ZFAT: variants seen among roughly 807,000 people sequenced by gnomAD.
ZFAT encodes zinc finger and AT-hook domain containing, also known as zinc finger protein ZFAT.
In ZFAT, 64 loss-of-function variants were observed where a neutral mutation model predicts 117.7. That is an observed-to-expected ratio of 0.54 (90% CI 0.44 to 0.67). The LOEUF (loss-of-function observed/expected upper bound fraction) is 0.67, where lower values mean the gene tolerates loss of function less well. ZFAT is among the 30% of genes least tolerant of loss of function. The pLI is 0.00. For synonymous variants in ZFAT, 679 were observed against 615.0 expected (o/e 1.10, Z -1.54); for missense variants, 1,433 against 1,584.5 (o/e 0.90, Z 1.62).
intron 11 of ZFAT, among the ~76,000 whole-genome samples, chr8:134,547,590 C>A (rs1042856573): frequency 6.6e-6 from 1 of 152,220 alleles, no homozygotes; most frequent in Non-Finnish European, 1.5e-5. Context: ...ACTGCATTTG[C>A]ATAGATTTCC....
the ZFAT span, among the ~76,000 whole-genome samples, chr8:134,790,571 T>C: frequency 2.6e-5 from 4 of 152,228 alleles, no homozygotes; most frequent in African/African-American, 4.8e-5. Flanking sequence ...AAGAGTTGTA[T>C]ACTACACATT....
chr8:134,717,323 C>A (rs1814222124), upstream of ZFAT, among the ~76,000 whole-genome samples: 1 of 150,990 alleles, frequency 6.6e-6, no homozygotes, highest in African/African-American at 2.4e-5. Context: ...CAAGAACCCA[C>A]CAGTCCAGGC....
chr8:134,763,528 G>C, the ZFAT span, among the ~76,000 whole-genome samples: 2 of 151,974 alleles, frequency 1.3e-5, no homozygotes, highest in Non-Finnish European at 2.9e-5. Flanking sequence ...TCCTTACCGT[G>C]CCTTATTTTT....
chr8:134,623,207 T>G (rs1368958968), intron 3 of ZFAT, among the ~76,000 whole-genome samples: 7 of 152,148 alleles, frequency 4.6e-5, no homozygotes, highest in Admixed American at 2.0e-4. Context: ...AATGGAGTCT[T>G]CACCCCAGCT....
At chr8:134,713,158 G>T (rs1814093761), upstream of ZFAT, 2 of 321,914 alleles carry the variant, frequency 6.2e-6, no homozygotes, top group African/African-American at 2.2e-5. Flanking sequence ...CGCAGTCGGA[G>T]GCCGTGCTTT....
chr8:134,501,282 A>G (rs1335976211), intron 15 of ZFAT, among the ~76,000 whole-genome samples: 1 of 152,236 alleles, frequency 6.6e-6, no homozygotes, highest in Non-Finnish European at 1.5e-5. Flanking sequence ...GCCCGCCTAC[A>G]GAGGACACAT....
chr8:134,804,255 GA>G, the ZFAT span, among the ~76,000 whole-genome samples: 1 of 152,088 alleles, frequency 6.6e-6, no homozygotes, highest in Non-Finnish European at 1.5e-5. Flanking sequence ...AAATACTTAG[GA>G]AAAATATTAA....
the ZFAT span, among the ~76,000 whole-genome samples, chr8:134,787,468 A>G: frequency 6.6e-6 from 1 of 152,108 alleles, no homozygotes; most frequent in Admixed American, 6.5e-5. Flanking sequence ...GTGGATCACC[A>G]CGTATACAGA....
At chr8:134,596,935 T>C (rs1474692633) in intron 7 of ZFAT, among the ~76,000 whole-genome samples, 3 of 151,000 alleles carry the variant, frequency 2.0e-5, no homozygotes, top group Admixed American at 2.0e-4. Flanking sequence ...TATGGGATGA[T>C]GAAAAAGCTC....
chr8:134,669,718 C>T (rs910967106), intron 1 of ZFAT, among the ~76,000 whole-genome samples: 1 of 152,202 alleles, frequency 6.6e-6, no homozygotes, highest in Non-Finnish European at 1.5e-5. Context: ...AACCAGCTAA[C>T]ATCATTATGA....
chr8:134,568,629 A>G (rs1824652566), intron 10 of ZFAT, among the ~76,000 whole-genome samples: 1 of 152,236 alleles, frequency 6.6e-6, no homozygotes, highest in South Asian at 2.1e-4. Context: ...TGAAATCAAG[A>G]GTCAGCCTTT....
At chr8:134,539,621 C>A (rs1452328520) in intron 11 of ZFAT, among the ~76,000 whole-genome samples, 1 of 152,180 alleles carries the variant, frequency 6.6e-6, no homozygotes, top group Non-Finnish European at 1.5e-5. Context: ...AGGAGACTAA[C>A]CACCCGTCTG....
At chr8:134,565,526 G>A (rs1315660389) in intron 10 of ZFAT, 105 bp from the exon 11 acceptor site, 1 of 1,053,042 alleles carries the variant, frequency 9.5e-7, no homozygotes, top group South Asian at 1.3e-5. Context: ...TCCTTGCCAT[G>A]TGAGGATCAG....
chr8:134,750,357 G>GT, the ZFAT span, among the ~76,000 whole-genome samples: 1 of 151,272 alleles, frequency 6.6e-6, no homozygotes, highest in African/African-American at 2.4e-5. Flanking sequence ...TTTAGCTGTA[G>GT]TTTTTTGGAT....
At chr8:134,730,206 G>C in the ZFAT span, among the ~76,000 whole-genome samples, 1 of 152,206 alleles carries the variant, frequency 6.6e-6, no homozygotes, top group Non-Finnish European at 1.5e-5. Context: ...ATCTCCAGAG[G>C]GAGCAATGCC....
chr8:134,712,929 G>T lies in ZFAT; in HGVS notation c.-66C>A. ...TTCCGGGCCCCCTCCCGTGCCGACC[G>T]AGGGGGCGGGGCGCCCTGCTGACGC... On this transcript the variant is annotated 5_prime_UTR_variant, in exon 1 of 16. The change creates a premature stop within an existing upstream ORF in the 5' untranslated region. Transcript: ENST00000377838. The T allele has an allele frequency of 7.0e-7, 1 of 1,433,918 alleles. No individual in the cohort carries two copies. The highest frequency in any genetic ancestry group is 9.2e-7 in the Non-Finnish European group (1 of 1,091,770). The allele number at this position is 1,433,918 out of a possible 1,614,324, so 88.8% of individuals were successfully genotyped here.
At chr8:134,814,475 T>C in the ZFAT span, among the ~76,000 whole-genome samples, 1 of 152,228 alleles carries the variant, frequency 6.6e-6, no homozygotes, top group Non-Finnish European at 1.5e-5. Context: ...AGGTAGGTCT[T>C]ACTGGTCAGA....
intron 9 of ZFAT, 48 bp from the exon 10 acceptor site, chr8:134,584,053 T>C (rs1358364881): frequency 6.6e-7 from 1 of 1,505,518 alleles, no homozygotes; most frequent in Non-Finnish European, 9.0e-7. Flanking sequence ...CATACGTTTA[T>C]GCATATGTGT....
intron 1 of ZFAT, among the ~76,000 whole-genome samples, chr8:134,669,217 G>A (rs965395827): frequency 6.6e-6 from 1 of 152,136 alleles, no homozygotes; most frequent in Non-Finnish European, 1.5e-5. Flanking sequence ...GCCTAACAAG[G>A]TAGGCCAACA....
Sources: gnomAD v4.1 joint callset for allele counts (sites outside exome capture counted in the v4.1 genomes callset) on GRCh38, gnomAD v4.1.1 for gene constraint, MANE v1.5 for transcripts, NCBI Gene and HGNC (gene_info 2026-07-23, HGNC 2026-07-21) for gene names.